SPECC1: variants seen among roughly 807,000 people sequenced by gnomAD.
SPECC1 encodes sperm antigen with calponin homology and coiled-coil domains 1.
In SPECC1, 62 loss-of-function variants were observed where a neutral mutation model predicts 104.1. The observed-to-expected ratio is 0.60, with a 90% CI of 0.49 to 0.74. SPECC1 has a LOEUF of 0.74. Among genes scored for constraint, SPECC1 ranks in the 30% least tolerant of loss-of-function variants. The pLI is 0.00. For synonymous variants in SPECC1, 513 were observed against 501.6 expected (o/e 1.02, Z -0.30); for missense variants, 1,306 against 1,310.5 (o/e 1.00, Z 0.05).
chr17:20,187,944 C>T (rs1325845421), intron 3 of SPECC1, among the ~76,000 whole-genome samples: 1 of 152,154 alleles, frequency 6.6e-6, no homozygotes, highest in Non-Finnish European at 1.5e-5. Context: ...TAAATTTGTT[C>T]TTTGTGGTTC....
chr17:20,038,236 CT>C (rs1211238676), intron 1 of SPECC1, among the ~76,000 whole-genome samples: 1 of 151,134 alleles, frequency 6.6e-6, no homozygotes, highest in Non-Finnish European at 1.5e-5. Context: ...TTTATATTTT[CT>C]TTCTTTTGCT....
chr17:20,070,016 A>C (rs1207032900), intron 1 of SPECC1, among the ~76,000 whole-genome samples: 1 of 151,944 alleles, frequency 6.6e-6, no homozygotes, highest in Non-Finnish European at 1.5e-5. Context: ...TTTTGTTGTA[A>C]ATTCCTTATG....
chr17:20,180,646 G>A (rs533760344), intron 3 of SPECC1, among the ~76,000 whole-genome samples: 1 of 152,368 alleles, frequency 6.6e-6, no homozygotes, highest in African/African-American at 2.4e-5. Context: ...GAATTGCACA[G>A]CGAACTGGAT....
chr17:20,124,918 T>C (rs933363174), intron 3 of SPECC1, among the ~76,000 whole-genome samples: 4 of 152,144 alleles, frequency 2.6e-5, no homozygotes, highest in East Asian at 1.9e-4. Flanking sequence ...CGGTGGCTCA[T>C]GCCTGTAATC....
At chr17:20,133,456 G>A (rs1305699116) in intron 3 of SPECC1, among the ~76,000 whole-genome samples, 2 of 151,848 alleles carry the variant, frequency 1.3e-5, no homozygotes, top group Admixed American at 6.6e-5. Context: ...TAAAAAAAAA[G>A]AATCTACCTG....
intron 12 of SPECC1, 53 bp downstream of exon 12, chr17:20,260,347 G>A (rs1598100427): frequency 6.7e-7 from 1 of 1,486,430 alleles, no homozygotes; most frequent in South Asian, 1.2e-5. Context: ...TAGTAGTCCT[G>A]TGCCAATACA....
At chr17:20,019,207 CATTCATTTATTTATTT>C (rs1422767408) in intron 1 of SPECC1, among the ~76,000 whole-genome samples, 5,267 of 127,230 alleles carry the variant, frequency 0.041, 205 homozygotes, top group African/African-American at 0.087. Context: ...AAGACCCTAT[CATTCATTTATTTATTT>C]ATTTATTTAT....
chr17:20,183,773 C>T (rs1188749946), intron 3 of SPECC1, among the ~76,000 whole-genome samples: 2 of 151,960 alleles, frequency 1.3e-5, no homozygotes, highest in Non-Finnish European at 1.5e-5. Flanking sequence ...GTACCCATCC[C>T]TTTTTCCCCC....
chr17:20,184,181 CAAAAAAAAAAAA>C (rs759475722), intron 3 of SPECC1, among the ~76,000 whole-genome samples: 1 of 44,218 alleles, frequency 2.3e-5, no homozygotes, highest in South Asian at 8.1e-4. Flanking sequence ...ACTCCTGTCT[CAAAAAAAAAAAA>C]AAAAAAAAAA....
intron 12 of SPECC1, 92 bp from the exon 13 acceptor site, chr17:20,296,869 G>A (rs879891866): frequency 5.8e-6 from 7 of 1,198,988 alleles, no homozygotes; most frequent in Non-Finnish European, 8.5e-6. Flanking sequence ...CATTGATTTT[G>A]TGTAGATTCC....
At chr17:20,278,757 GT>G (rs2040661169) in intron 12 of SPECC1, among the ~76,000 whole-genome samples, 1 of 149,934 alleles carries the variant, frequency 6.7e-6, no homozygotes, top group Non-Finnish European at 1.5e-5. Context: ...AGTTAGCCTC[GT>G]CTTCTGACTT....
intron 1 of SPECC1, among the ~76,000 whole-genome samples, chr17:20,034,957 T>G (rs1251128816): frequency 6.6e-6 from 1 of 152,212 alleles, no homozygotes; most frequent in Non-Finnish European, 1.5e-5. Flanking sequence ...TTGAGTCATT[T>G]TGAGTTAATT....
At chr17:20,171,244 T>C (rs2034066814) in intron 3 of SPECC1, among the ~76,000 whole-genome samples, 1 of 152,198 alleles carries the variant, frequency 6.6e-6, no homozygotes, top group Admixed American at 6.5e-5. Context: ...GGTATGTGGC[T>C]CTGAGTGCTT....
intron 3 of SPECC1, among the ~76,000 whole-genome samples, chr17:20,148,830 C>T (rs1173522148): frequency 6.6e-6 from 1 of 152,076 alleles, no homozygotes; most frequent in Admixed American, 6.5e-5. Context: ...AGCGATTCTC[C>T]TGCCTCAGGC....
intron 1 of SPECC1, among the ~76,000 whole-genome samples, chr17:20,055,294 C>G (rs2045920680): frequency 1.3e-5 from 2 of 151,906 alleles, no homozygotes; most frequent in African/African-American, 4.8e-5. Flanking sequence ...GAATAGTACT[C>G]CATGGTATGT....
intron 12 of SPECC1, among the ~76,000 whole-genome samples, chr17:20,283,634 T>C (rs2040849136): frequency 6.6e-6 from 1 of 152,220 alleles, no homozygotes; most frequent in African/African-American, 2.4e-5. Context: ...TCACCCTGGC[T>C]GGAGTGTAGT....
intron 1 of SPECC1, among the ~76,000 whole-genome samples, chr17:20,018,622 C>T (rs992988609): frequency 1.3e-5 from 2 of 152,184 alleles, no homozygotes; most frequent in Non-Finnish European, 2.9e-5. Flanking sequence ...TGGTGGTTCA[C>T]TTGGAAGACT....
chr17:20,153,849 G>A (rs1303813453), intron 3 of SPECC1, among the ~76,000 whole-genome samples: 2 of 152,172 alleles, frequency 1.3e-5, no homozygotes, highest in South Asian at 2.1e-4. Flanking sequence ...TGGGGAAGTC[G>A]ACCATCTTTT....
chr17:20,184,928 G>A (rs1422818294), intron 3 of SPECC1, among the ~76,000 whole-genome samples: 2 of 152,232 alleles, frequency 1.3e-5, no homozygotes, highest in Non-Finnish European at 2.9e-5. Context: ...TCAGTGGAGT[G>A]AAGAAACAGG....
Sources: gnomAD v4.1 joint callset for allele counts (sites outside exome capture counted in the v4.1 genomes callset) on GRCh38, gnomAD v4.1.1 for gene constraint, MANE v1.5 for transcripts, NCBI Gene and HGNC (gene_info 2026-07-23, HGNC 2026-07-21) for gene names.